The following CNBD1 variants were observed in gnomAD, a reference collection of about 807,000 sequenced individuals.
The protein encoded by CNBD1 is cyclic nucleotide-binding domain-containing protein 1.
Under a neutral mutation model 54.4 loss-of-function variants are expected in CNBD1, and 71 were observed. The ratio of observed to expected loss-of-function variants is 1.30; its 90% confidence interval spans 1.08 to 1.59. CNBD1 has a LOEUF of 1.59. Ranked by LOEUF, CNBD1 falls within the 40% of genes most tolerant of loss-of-function variation. CNBD1 has a pLI of 0.00. For synonymous variants in CNBD1, 182 were observed against 170.7 expected (o/e 1.07, Z -0.51); for missense variants, 659 against 518.0 (o/e 1.27, Z -2.64).
At chr8:87,321,495 G>A (rs538196292) in intron 8 of CNBD1, among the ~76,000 whole-genome samples, 62 of 152,128 alleles carry the variant, frequency 4.1e-4, no homozygotes, top group Non-Finnish European at 6.0e-4. Flanking sequence ...GGATGTCTTT[G>A]GAGAAATATC....
intron 4 of CNBD1, among the ~76,000 whole-genome samples, chr8:87,031,522 G>A (rs1809790877): frequency 6.6e-6 from 1 of 152,094 alleles, no homozygotes; most frequent in Admixed American, 6.5e-5. Context: ...TAATTTAGGA[G>A]CTACTCATAC....
intron 4 of CNBD1, among the ~76,000 whole-genome samples, chr8:87,142,039 T>C (rs951515685): frequency 6.6e-6 from 1 of 152,210 alleles, no homozygotes; most frequent in Non-Finnish European, 1.5e-5. Flanking sequence ...CATTCAGTTA[T>C]TACGACACTA....
chr8:87,402,145 A>G (rs1014018565), intron 2 of CNBD1, among the ~76,000 whole-genome samples: 2 of 151,966 alleles, frequency 1.3e-5, no homozygotes, highest in Admixed American at 6.6e-5. Context: ...GTGTAGGGGA[A>G]CAGCCTTTTA....
chr8:87,043,757 G>A (rs189154478), intron 4 of CNBD1, among the ~76,000 whole-genome samples: 81 of 152,234 alleles, frequency 5.3e-4, no homozygotes, highest in African/African-American at 1.4e-3. Context: ...GCCAGTCCCC[G>A]GTTAATGTTC....
intron 4 of CNBD1, among the ~76,000 whole-genome samples, chr8:87,018,129 G>A (rs1809406590): frequency 6.6e-6 from 1 of 152,174 alleles, no homozygotes; most frequent in African/African-American, 2.4e-5. Context: ...TGTAATCCCA[G>A]CTACTCGGGA....
intron 8 of CNBD1, among the ~76,000 whole-genome samples, chr8:87,314,104 A>G (rs1809331673): frequency 6.6e-6 from 1 of 151,928 alleles, no homozygotes; most frequent in South Asian, 2.1e-4. Context: ...GATGATGCCA[A>G]TGCTTTTTTT....
chr8:86,920,173 T>C (rs1057047529), intron 3 of CNBD1, among the ~76,000 whole-genome samples: 1 of 152,222 alleles, frequency 6.6e-6, no homozygotes, highest in African/African-American at 2.4e-5. Flanking sequence ...ACTTGATTTA[T>C]TAAATTTAGC....
At chr8:87,249,883 A>G (rs933479414) in intron 6 of CNBD1, among the ~76,000 whole-genome samples, 3 of 152,194 alleles carry the variant, frequency 2.0e-5, no homozygotes, top group African/African-American at 7.2e-5. Flanking sequence ...AGAAGAAATC[A>G]TTGGAGAAAC....
At position 87,271,641 on chromosome 8, in the gene CNBD1, T is replaced by C. The variant is rs113716544; in HGVS notation, c.772-13037T>C. On this transcript the variant is annotated intron_variant, in intron 6 of 10. Coordinates refer to ENST00000518476, the MANE Select transcript of CNBD1 (RefSeq NM_173538.3). ...TGAGGATGTGGAGAAAGAAAAACCC[T>C]TGTACACTGTTGATGAGAATGTAAA... Among the ~76,000 whole-genome samples the C allele has an allele frequency of 8.4e-4, 128 of 152,092 alleles. 1 individual carries two copies. Among genetic ancestry groups the C allele is most frequent in the African/African-American group, 3.0e-3 (126 of 41,536 alleles).
chr8:87,338,782 C>A (rs113095687), intron 8 of CNBD1, among the ~76,000 whole-genome samples: 2,247 of 152,020 alleles, frequency 0.015, 56 homozygotes, highest in African/African-American at 0.048. Flanking sequence ...AATTTTCAGT[C>A]ATGTTAATAT....
chr8:86,942,435 T>A (rs1807346763), intron 4 of CNBD1, among the ~76,000 whole-genome samples: 1 of 152,174 alleles, frequency 6.6e-6, no homozygotes, highest in African/African-American at 2.4e-5. Context: ...GAGCATAGGA[T>A]CCTCTTCCAA....
chr8:87,356,854 T>G (rs1275174097), intron 10 of CNBD1, among the ~76,000 whole-genome samples: 2 of 152,078 alleles, frequency 1.3e-5, no homozygotes, highest in Non-Finnish European at 2.9e-5. Context: ...TGAAGACAGC[T>G]CCTCCCATCA....
chr8:86,922,554 T>G (rs1809292113), intron 3 of CNBD1, among the ~76,000 whole-genome samples: 2 of 152,084 alleles, frequency 1.3e-5, no homozygotes, highest in African/African-American at 4.8e-5. Context: ...TGGCTTGGGG[T>G]ATTATTGTAG....
At chr8:87,378,811 G>A (rs550448556) in intron 10 of CNBD1, among the ~76,000 whole-genome samples, 5 of 150,832 alleles carry the variant, frequency 3.3e-5, no homozygotes, top group South Asian at 2.1e-4. Flanking sequence ...CCATTTGTTT[G>A]TATCCGCTTT....
At chr8:86,979,402 C>CAAAAAAAAAAAAAAA (rs776634552) in intron 4 of CNBD1, among the ~76,000 whole-genome samples, 1 of 10,396 alleles carries the variant, frequency 9.6e-5, no homozygotes, top group Non-Finnish European at 1.5e-4. Flanking sequence ...ATCATCTCTA[C>CAAAAAAAAAAAAAAA]AAAAAAAAAA....
chr8:87,122,279 C>T (rs996315248), intron 4 of CNBD1, among the ~76,000 whole-genome samples: 6 of 151,844 alleles, frequency 4.0e-5, no homozygotes, highest in Admixed American at 2.6e-4. Context: ...GATAATATCT[C>T]GTTTTTAATT....
At chr8:87,381,165 TAA>T (rs1037295387) in intron 10 of CNBD1, among the ~76,000 whole-genome samples, 4 of 152,082 alleles carry the variant, frequency 2.6e-5, no homozygotes, top group African/African-American at 7.2e-5. Flanking sequence ...CCAAAATATA[TAA>T]GACAATATTC....
chr8:86,951,581 C>CCAAAAAAAA lies in CNBD1; in HGVS notation c.431+11827_431+11828insCAAAAAAAA, dbSNP rs1807624281. ...GGTGACAGAGCGAGGCTCCGTCTCA[C>CCAAAAAAAA]AAAAAAAAAAAAAAAAAAAAAAAAA... is the stretch of plus-strand genomic sequence containing the variant. On this transcript the variant is annotated intron_variant, in intron 4 of 10. Transcript: ENST00000518476. Among the ~76,000 whole-genome samples the CCAAAAAAAA allele has an allele frequency of 8.0e-5, 3 of 37,360 alleles. No individual in the cohort carries two copies. The East Asian group carries it at 2.7e-3, about 33-fold the overall frequency. The allele number at this position is 37,360 out of a possible 152,430, so 24.5% of individuals were successfully genotyped here.
At position 87,368,161 on chromosome 8, in the gene CNBD1, A is replaced by AAAAAGAAAAGAAAAG. The variant is rs71277938; in HGVS notation, c.1303+14388_1303+14402dup. On this transcript the variant is annotated intron_variant, in intron 10 of 10. Transcript: ENST00000518476. ...TGGGTGACAGAGCGAGATTCCATCTAAAAAGAAAAGAAAAGAAAAGAAAAG... is the reference window on the plus strand; with the variant it reads ...TGGGTGACAGAGCGAGATTCCATCTAAAAAGAAAAGAAAAGAAAAGAAAAGAAAAGAAAAGAAAAG... 2.3e-3 allele frequency among the ~76,000 whole-genome samples: 337 copies of AAAAAGAAAAGAAAAG among 148,244 alleles called. 1 individual carries two copies. The highest frequency in any genetic ancestry group is 7.8e-3 in the African/African-American group (314 of 40,284).
Sources: allele counts gnomAD v4.1 joint callset (sites outside exome capture counted in the v4.1 genomes callset), GRCh38; gene constraint gnomAD v4.1.1; transcripts MANE v1.5; gene names NCBI Gene and HGNC (gene_info 2026-07-23, HGNC 2026-07-21).